Variants in STAB2 observed in about 807,000 individuals in gnomAD.
STAB2 encodes the protein stabilin-2.
Under a neutral mutation model 338.1 loss-of-function variants are expected in STAB2, and 288 were observed. The ratio of observed to expected loss-of-function variants is 0.85; its 90% CI spans 0.77 to 0.94. The LOEUF is 0.94. Ranked by LOEUF, STAB2 falls within the 40% of genes least tolerant of loss-of-function variation. The pLI, the probability that STAB2 is intolerant of heterozygous loss-of-function variation, is 0.00. For missense variants in STAB2, 3,141 were observed against 3,210.1 expected, an observed-to-expected ratio of 0.98 and a Z score of 0.52; for synonymous variants, 1,202 against 1,193.3, an observed-to-expected ratio of 1.01 and a Z score of -0.15.
intron 5 of STAB2, among the ~76,000 whole-genome samples, chr12:103,626,302 A>T (rs1011579710): frequency 1.3e-5 from 2 of 152,220 alleles, no homozygotes; most frequent in African/African-American, 4.8e-5. Context: ...AAATAGCCAC[A>T]TGTGGCTCGT....
chr12:103,691,395 T>C (rs1877925776), intron 30 of STAB2, among the ~76,000 whole-genome samples: 1 of 152,238 alleles, frequency 6.6e-6, no homozygotes, highest in Non-Finnish European at 1.5e-5. Context: ...TCATCAGATA[T>C]TTTCTTTTAG....
chr12:103,714,293 G>A lies in STAB2; in HGVS notation c.4537+525G>A, dbSNP rs181414103. ...ACACACTGTTCTACTATAAAGGTAT[G>A]CCATAGTAAGTTGTCTGAATTTAAC... On this transcript the variant is annotated intron_variant, in intron 42 of 68. Transcript: ENST00000388887. Among the ~76,000 whole-genome samples, 444 of 152,282 alleles carry A rather than the reference G, an allele frequency of 2.9e-3. 1 individual carries two copies. The highest frequency in any genetic ancestry group is 0.01 in the African/African-American group (436 of 41,544).
At chr12:103,685,739 C>T (rs1331166628) in intron 27 of STAB2, among the ~76,000 whole-genome samples, 1 of 152,168 alleles carries the variant, frequency 6.6e-6, no homozygotes, top group Non-Finnish European at 1.5e-5. Flanking sequence ...ATCTGTACAG[C>T]ATGGGCCACA....
intron 6 of STAB2, 117 bp downstream of exon 6, chr12:103,631,810 C>G (rs1292361100): frequency 1.1e-6 from 1 of 878,292 alleles, no homozygotes. Context: ...CAAAAGTTTT[C>G]TGGAAAGAAA....
chr12:103,751,621 A>G (rs1236077467), intron 60 of STAB2, among the ~76,000 whole-genome samples: 1 of 152,182 alleles, frequency 6.6e-6, no homozygotes, highest in Non-Finnish European at 1.5e-5. Context: ...GGGGATAAAA[A>G]TGCACAGCTG....
At chr12:103,618,236 G>A (rs1565964001) in intron 3 of STAB2, among the ~76,000 whole-genome samples, 3 of 152,118 alleles carry the variant, frequency 2.0e-5, no homozygotes, top group Non-Finnish European at 4.4e-5. Flanking sequence ...TAAGAACAGG[G>A]CCCTTATGGA....
chr12:103,624,292 A>G (rs185552656), intron 5 of STAB2, among the ~76,000 whole-genome samples: 16 of 152,348 alleles, frequency 1.1e-4, no homozygotes, highest in Non-Finnish European at 1.5e-5. Context: ...TTGGATGAAT[A>G]CATGAGTGAG....
At chr12:103,755,128 C>A in intron 61 of STAB2, 174 bp from the exon 62 acceptor site, 5 of 811,858 alleles carry the variant, frequency 6.2e-6, no homozygotes, top group Admixed American at 2.5e-5. Context: ...CCCAGTGGCT[C>A]AATCAATCAG....
chr12:103,760,244 C>G (rs1275126331), intron 65 of STAB2, among the ~76,000 whole-genome samples: 2 of 152,160 alleles, frequency 1.3e-5, no homozygotes, highest in Non-Finnish European at 2.9e-5. Flanking sequence ...AATAATGCCA[C>G]AATGGTGTGT....
Position 103,749,078 on chromosome 12 carries a change from C to G in STAB2, c.6360C>G (p.Ser2120Arg), listed in dbSNP as rs776145317. The G allele has an allele frequency of 1.9e-6, 3 of 1,614,028 alleles. No individual in the cohort carries two copies. In the African/African-American group the frequency reaches 4.0e-5, roughly 22 times the overall value. The change falls in exon 59 of 69, where the codon AGC (serine) becomes AGG (arginine). Residue 2120 changes from serine to arginine, a missense_variant. Transcript: ENST00000388887. ...AGGGATACAAAGGGGACGGGCACAG[C>G]TGCACAGAGATAGACCCCTGTGCAG... ...CQKGYKGDGH[S>R]CTEIDPCADG...
At chr12:103,739,224 GC>G (rs1306578326) in intron 53 of STAB2, among the ~76,000 whole-genome samples, 187 bp from the exon 54 acceptor site, 1 of 150,976 alleles carries the variant, frequency 6.6e-6, no homozygotes, top group Non-Finnish European at 1.5e-5. Flanking sequence ...CAATCTTTCT[GC>G]CTTGGCCTCC....
intron 53 of STAB2, among the ~76,000 whole-genome samples, chr12:103,738,134 G>C (rs1386420748): frequency 2.0e-5 from 3 of 152,100 alleles, no homozygotes; most frequent in Admixed American, 1.3e-4. Context: ...AATATTTGTT[G>C]AATGTCTGAC....
chr12:103,703,290 G>A lies in STAB2; in HGVS notation c.3843+14G>A, dbSNP rs1204321348. 3 of 1,607,894 alleles carry A rather than the reference G, an allele frequency of 1.9e-6. No homozygotes were observed. Among genetic ancestry groups the A allele is most frequent in the South Asian group, 2.2e-5 (2 of 89,850 alleles). On this transcript the variant is annotated intron_variant, in intron 35 of 68. Coordinates refer to ENST00000388887, the MANE Select transcript of STAB2 (RefSeq NM_017564.10). ...ACTATTATACGAGTAAGTTCTATGG[G>A]CCAGAGCCAGTGATGGAACTAATGA...
chr12:103,654,083 G>A lies in STAB2; in HGVS notation c.1408-472G>A, dbSNP rs141214978. Among the ~76,000 whole-genome samples, 1,132 of 152,308 alleles carry A rather than the reference G, an allele frequency of 7.4e-3. 23 individuals are homozygous for A. Among genetic ancestry groups the A allele is most frequent in the Admixed American group, 0.039 (589 of 15,296 alleles). On this transcript the variant is annotated intron_variant, in intron 12 of 68. Coordinates refer to ENST00000388887, the MANE Select transcript of STAB2 (RefSeq NM_017564.10). Reference sequence around the variant, plus strand: ...GTGGCTTGCTTTCTCACAAGGATATGCATGTATTTACCTGTTCATTCATTC... The same window carrying A: ...GTGGCTTGCTTTCTCACAAGGATATACATGTATTTACCTGTTCATTCATTC...
chr12:103,717,510 A>G (rs573345422), intron 43 of STAB2, among the ~76,000 whole-genome samples: 1 of 152,348 alleles, frequency 6.6e-6, no homozygotes, highest in East Asian at 1.9e-4. Flanking sequence ...GAGTGAGAAC[A>G]TTAAAAAGAA....
At chr12:103,723,257 T>C (rs189811683) in intron 44 of STAB2, among the ~76,000 whole-genome samples, 61 of 152,326 alleles carry the variant, frequency 4.0e-4, no homozygotes, top group Middle Eastern at 3.4e-3. Flanking sequence ...GAAAGGTTTA[T>C]TGGGCTTACA....
In STAB2 at chr12:103,711,512, G is replaced by A. The variant is rs756717445; in HGVS notation, c.4330G>A (p.Ala1444Thr). ...DNCNGTCHTS[A>T]NCLTNSDGTA... ...CTGCAATGGGACATGCCATACCAGCGCCAAGTAGGTAGCCCTGGGCCACCT... is the reference window on the plus strand; with the variant it reads ...CTGCAATGGGACATGCCATACCAGCACCAAGTAGGTAGCCCTGGGCCACCT... Residue 1444 changes from alanine to threonine, a missense_variant, in exon 40 of 69, where the codon GCC becomes ACC. Physicochemically the swap from Ala to Thr is moderately conservative, Grantham distance 58. Transcript: ENST00000388887. 25 of 1,613,928 alleles carry A rather than the reference G, an allele frequency of 1.5e-5. No individual in the cohort carries two copies. Among genetic ancestry groups the A allele is most frequent in the East Asian group, 2.2e-5 (1 of 44,898 alleles).
chr12:103,706,892 T>A lies in STAB2; in HGVS notation c.4097T>A (p.Val1366Glu). 1 of 1,613,684 alleles carries A rather than the reference T, an allele frequency of 6.2e-7. No homozygotes were observed. Among genetic ancestry groups the A allele is most frequent in the Non-Finnish European group, 8.5e-7 (1 of 1,179,944 alleles). Reference sequence around the variant, plus strand: ...GGTAATGGCATCTGTTTGGATGGAGTGAATGGCACAGGTGTGTGTGAGTGT... The same window carrying A: ...GGTAATGGCATCTGTTTGGATGGAGAGAATGGCACAGGTGTGTGTGAGTGT... ...CFGNGICLDGVNGTGVCECGE... is the reference protein window; with the variant it reads ...CFGNGICLDGENGTGVCECGE... Residue 1366 changes from valine to glutamate, a missense_variant, in exon 38 of 69, where the codon GTG becomes GAG. Transcript: ENST00000388887.
At chr12:103,764,127 A>G (rs1884741880) in intron 68 of STAB2, among the ~76,000 whole-genome samples, 1 of 151,588 alleles carries the variant, frequency 6.6e-6, no homozygotes, top group African/African-American at 2.4e-5. Context: ...CTAACTTTGT[A>G]TTGTTAATAC....
Sources: gnomAD v4.1 joint callset for allele counts (sites outside exome capture counted in the v4.1 genomes callset) on GRCh38, gnomAD v4.1.1 for gene constraint, MANE v1.5 for transcripts, NCBI Gene and HGNC (gene_info 2026-07-23, HGNC 2026-07-21) for gene names.